MLLT10: variants seen among roughly 807,000 people sequenced by gnomAD.
MLLT10 encodes protein AF-10.
Under a neutral mutation model 129.1 loss-of-function variants are expected in MLLT10, and 30 were observed. That is an observed-to-expected ratio of 0.23 (90% confidence interval 0.17 to 0.32). The LOEUF is 0.32. Among genes scored for constraint, MLLT10 ranks in the 10% least tolerant of loss-of-function variants. The pLI is 1.00. For missense variants in MLLT10, 1,119 were observed against 1,268.3 expected (o/e 0.88, Z 1.79); for synonymous variants, 490 against 446.4 (o/e 1.10, Z -1.23).
intron 13 of MLLT10, among the ~76,000 whole-genome samples, chr10:21,685,409 A>G (rs2053201148): frequency 6.6e-6 from 1 of 152,176 alleles, no homozygotes; most frequent in South Asian, 2.1e-4. Flanking sequence ...ATCTCAGCTC[A>G]TTGCAACCTC....
At chr10:21,557,035 C>G (rs926258558) in intron 3 of MLLT10, 3 of 1,432,130 alleles carry the variant, frequency 2.1e-6, no homozygotes, top group Non-Finnish European at 1.8e-6. Flanking sequence ...TTCAGTCTAT[C>G]CTGTTTACTT....
intron 4 of MLLT10, 62 bp downstream of exon 4, chr10:21,586,410 A>C (rs1589096050): frequency 3.4e-6 from 4 of 1,169,172 alleles, no homozygotes; most frequent in African/African-American, 3.2e-5. Flanking sequence ...AGTATTTTCA[A>C]ATATTTGGTA....
At chr10:21,613,142 C>T (rs1453292889) in intron 6 of MLLT10, among the ~76,000 whole-genome samples, 2 of 138,760 alleles carry the variant, frequency 1.4e-5, no homozygotes, top group Non-Finnish European at 3.0e-5. Context: ...TGCAGTGAAC[C>T]GAGATTGCGC....
At chr10:21,655,408 T>C (rs1160655075) in intron 9 of MLLT10, among the ~76,000 whole-genome samples, 1 of 152,206 alleles carries the variant, frequency 6.6e-6, no homozygotes, top group East Asian at 1.9e-4. Flanking sequence ...AGAGTAGCCA[T>C]AGACAATTTG....
At position 21,617,201 on chromosome 10, in the gene MLLT10, GA is replaced by G; in HGVS notation, c.699del (p.Lys234AsnfsTer26). On this transcript the variant is annotated frameshift_variant, in exon 8 of 23. Coordinates refer to ENST00000307729, the MANE Select transcript of MLLT10 (RefSeq NM_001195626.3). LOFTEE classifies it high-confidence loss of function. ...HSQDKHHEKEKKKYKEKDKHK... is the reference protein window; with the variant it reads ...HSQDKHHEKEXKKYKEKDKHK... ...CTCAGGATAAACATCATGAGAAAGAGAAAAAAGTAAGTGGATTTGTTGTTGC... is the reference window on the plus strand; with the variant it reads ...CTCAGGATAAACATCATGAGAAAGAGAAAAAGTAAGTGGATTTGTTGTTGC... 1 of 1,506,168 alleles carries G rather than the reference GA, an allele frequency of 6.6e-7. No homozygotes were observed. The highest frequency in any genetic ancestry group is 1.4e-5 in the South Asian group (1 of 69,886). The allele number at this position is 1,506,168 out of a possible 1,614,324, so 93.3% of individuals were successfully genotyped here.
chr10:21,677,945 T>C (rs2052351595), intron 11 of MLLT10, among the ~76,000 whole-genome samples: 1 of 152,208 alleles, frequency 6.6e-6, no homozygotes, highest in Admixed American at 6.5e-5. Flanking sequence ...TTGGACATAG[T>C]AAACGTTAAA....
At chr10:21,680,839 G>A (rs2052660074) in intron 11 of MLLT10, among the ~76,000 whole-genome samples, 1 of 151,946 alleles carries the variant, frequency 6.6e-6, no homozygotes, top group African/African-American at 2.4e-5. Context: ...AGGCATGGTG[G>A]CATGCACCTG....
Position 21,733,967 on chromosome 10 carries a change from T to C in MLLT10, c.2696T>C (p.Ile899Thr). 1.2e-6 allele frequency: 2 copies of C among 1,614,168 alleles called. No individual in the cohort carries two copies. Among genetic ancestry groups the C allele is most frequent in the Non-Finnish European group, 1.7e-6 (2 of 1,180,026 alleles). Reference protein sequence around the residue: ...IPAVSAVGGIIGALPGNQLAI... With the variant: ...IPAVSAVGGITGALPGNQLAI... ...GCCGTGTCTGCAGTGGGTGGAATAA[T>C]TGGAGCTTTGCCAGGTAACCAACTG... The change falls in exon 20 of 23, where the codon ATT (isoleucine) becomes ACT (threonine). Residue 899 changes from isoleucine (I) to threonine (T), a missense_variant. Physicochemically the swap from Ile to Thr is moderately conservative, Grantham distance 89 (BLOSUM62 -1). Around this residue, in one of 5 missense-constraint regions of MLLT10, gnomAD observed 1,004 missense variants for 1,008.7 expected, o/e 1.00. Transcript: ENST00000307729.
intron 15 of MLLT10, among the ~76,000 whole-genome samples, chr10:21,727,430 G>A (rs2057602376): frequency 6.6e-6 from 1 of 152,140 alleles, no homozygotes; most frequent in Non-Finnish European, 1.5e-5. Flanking sequence ...CTATGTAAAT[G>A]TGTTTTATGG....
At chr10:21,592,497 C>T (rs2042603806) in intron 4 of MLLT10, among the ~76,000 whole-genome samples, 1 of 151,780 alleles carries the variant, frequency 6.6e-6, no homozygotes, top group African/African-American at 2.4e-5. Flanking sequence ...ACTCTGTCGC[C>T]CAGGCTGGAG....
At chr10:21,582,352 T>C (rs2041562272) in intron 3 of MLLT10, among the ~76,000 whole-genome samples, 1 of 152,156 alleles carries the variant, frequency 6.6e-6, no homozygotes, top group Admixed American at 6.6e-5. Context: ...ACTCCTGACC[T>C]CAGGTGATCT....
At chr10:21,558,203 G>A (rs181303629) in intron 3 of MLLT10, among the ~76,000 whole-genome samples, 4 of 151,786 alleles carry the variant, frequency 2.6e-5, no homozygotes, top group African/African-American at 2.4e-5. Context: ...CACCCACCTC[G>A]ACCTCCCAAA....
Position 21,534,477 on chromosome 10 carries a change from C to T in MLLT10, c.-44C>T. 1.6e-6 allele frequency: 1 copy of T among 634,610 alleles called. No homozygotes were observed. The highest frequency in any genetic ancestry group is 2.6e-6 in the Non-Finnish European group (1 of 384,726). 39.3% of individuals were successfully genotyped at this position (634,610 alleles called of 1,614,324 possible). On this transcript the variant is annotated 5_prime_UTR_variant, in exon 1 of 23. Transcript: ENST00000307729. The stretch of plus-strand genomic sequence containing the variant: ...GGGGGAATCAGCAAGGACATGGCTC[C>T]TGACTCCTGTGCGGAACGTGAGTGA...
At chr10:21,669,828 A>G (rs1244395306) in intron 9 of MLLT10, among the ~76,000 whole-genome samples, 3 of 152,174 alleles carry the variant, frequency 2.0e-5, no homozygotes, top group Non-Finnish European at 2.9e-5. Context: ...ATTGAGAACC[A>G]TTTTTAGGGA....
At chr10:21,625,026 G>A in intron 8 of MLLT10, 1 of 950,920 alleles carries the variant, frequency 1.1e-6, no homozygotes, top group Non-Finnish European at 1.6e-6. Context: ...GCCATAGTAG[G>A]GAATCTTCGT....
chr10:21,694,492 A>G (rs2054172569), intron 13 of MLLT10, among the ~76,000 whole-genome samples: 3 of 152,184 alleles, frequency 2.0e-5, no homozygotes, highest in Admixed American at 2.0e-4. Flanking sequence ...TTGTGACACT[A>G]TATGTAATAT....
chr10:21,708,555 G>GTTT lies in MLLT10; in HGVS notation c.1700-5211_1700-5209dup, dbSNP rs377253140. Reference sequence around the variant, plus strand: ...TGATAGGAAAGGAACATTTTGCTCTGTTTTTTTTGTGTGTGTGTTTTTTTT... The same window carrying GTTT: ...TGATAGGAAAGGAACATTTTGCTCTGTTTTTTTTTTTGTGTGTGTGTTTTTTTT... On this transcript the variant is annotated intron_variant, in intron 13 of 22. Coordinates refer to ENST00000307729, the MANE Select transcript of MLLT10 (RefSeq NM_001195626.3). The GTTT allele has an allele frequency of 2.5e-5, 25 of 981,622 alleles. No individual in the cohort carries two copies. In the African/African-American group the frequency reaches 4.4e-4, roughly 17 times the overall value. 60.8% of individuals were successfully genotyped at this position (981,622 alleles called of 1,614,324 possible). A position where few individuals can be genotyped will look rare whatever the true frequency, so the allele number is the denominator to read the frequency against.
intron 8 of MLLT10, among the ~76,000 whole-genome samples, chr10:21,635,947 T>TTA (rs61654516): frequency 1.3e-5 from 2 of 148,438 alleles, no homozygotes; most frequent in Non-Finnish European, 1.5e-5. Flanking sequence ...TTTTTTTTTT[T>TTA]ACATTGCTCT....
intron 3 of MLLT10, chr10:21,556,495 T>C: frequency 3.2e-6 from 2 of 617,228 alleles, no homozygotes; most frequent in Non-Finnish European, 5.6e-6. Context: ...GATTCTTGTT[T>C]TTCTTCAGCT....
Sources: gnomAD v4.1 joint callset for allele counts (sites outside exome capture counted in the v4.1 genomes callset) on GRCh38, gnomAD v4.1.1 for gene constraint, gnomAD v4.1.1 regional missense constraint, MANE v1.5 for transcripts, NCBI Gene and HGNC (gene_info 2026-07-23, HGNC 2026-07-21) for gene names.